RBFOX1: variants seen among roughly 807,000 people sequenced by gnomAD.
RBFOX1 encodes RNA binding fox-1 homolog 1, also known as RNA binding protein fox-1 homolog 1.
A neutral mutation model predicts 57.7 loss-of-function variants in RBFOX1; 8 were observed. The observed-to-expected ratio is 0.14, with a 90% CI of 0.08 to 0.25. The LOEUF is 0.25. RBFOX1 is among the 10% of genes least tolerant of loss of function. The probability of loss-of-function intolerance (pLI) is 1.00; values close to 1 mark genes in which losing one functional copy is unlikely to be tolerated. For synonymous variants in RBFOX1, 326 were observed against 222.4 expected (o/e 1.47, Z -4.15); for missense variants, 611 against 548.5 (o/e 1.11, Z -1.14).
chr16:6,605,967 G>A (rs1188419576), intron 2 of RBFOX1, among the ~76,000 whole-genome samples: 1 of 152,020 alleles, frequency 6.6e-6, no homozygotes, highest in Non-Finnish European at 1.5e-5. Flanking sequence ...GAGCATGGTT[G>A]GGGGTGGGGG....
intron 2 of RBFOX1, among the ~76,000 whole-genome samples, chr16:5,498,767 G>A (rs1167679734): frequency 1.3e-5 from 2 of 152,168 alleles, no homozygotes; most frequent in African/African-American, 4.8e-5. Context: ...ACATTATCTG[G>A]CAATTATATT....
intron 3 of RBFOX1, among the ~76,000 whole-genome samples, chr16:6,894,041 T>C (rs940340766): frequency 1.3e-5 from 2 of 152,180 alleles, no homozygotes; most frequent in South Asian, 4.1e-4. Flanking sequence ...TATATGGGTT[T>C]TCTTCCTTTG....
chr16:5,990,744 G>T (rs977879586), intron 4 of RBFOX1, among the ~76,000 whole-genome samples: 1 of 152,226 alleles, frequency 6.6e-6, no homozygotes, highest in African/African-American at 2.4e-5. Context: ...GAGGCGGGCA[G>T]ATCGCTGGAG....
chr16:5,850,350 G>A (rs1187122912), intron 3 of RBFOX1, among the ~76,000 whole-genome samples: 2 of 152,186 alleles, frequency 1.3e-5, no homozygotes, highest in Non-Finnish European at 2.9e-5. Flanking sequence ...GTGGCACTTA[G>A]TAAGAACATA....
At chr16:5,742,425 C>A (rs1336556871) in intron 3 of RBFOX1, among the ~76,000 whole-genome samples, 1 of 151,586 alleles carries the variant, frequency 6.6e-6, no homozygotes, top group Non-Finnish European at 1.5e-5. Context: ...GAGCCCAGTG[C>A]TTTTATAGCG....
At chr16:6,016,419 A>G (rs1263145120), upstream of RBFOX1, among the ~76,000 whole-genome samples, 3 of 152,214 alleles carry the variant, frequency 2.0e-5, no homozygotes, top group Non-Finnish European at 2.9e-5. Flanking sequence ...ACAAGAGAAA[A>G]GCCCTCCTGG....
chr16:7,004,255 G>T (rs1385837706), intron 3 of RBFOX1: 1 of 152,072 alleles, frequency 6.6e-6, no homozygotes, highest in African/African-American at 2.4e-5. Context: ...AATATATAAT[G>T]CATAAGAACA....
intron 1 of RBFOX1, among the ~76,000 whole-genome samples, chr16:5,429,187 T>C (rs2067654618): frequency 6.6e-6 from 1 of 152,182 alleles, no homozygotes; most frequent in Admixed American, 6.5e-5. Flanking sequence ...CCAGAGCCTT[T>C]ACATAATGAT....
chr16:6,383,784 A>G (rs1444730462), intron 2 of RBFOX1, among the ~76,000 whole-genome samples: 2 of 151,872 alleles, frequency 1.3e-5, no homozygotes, highest in African/African-American at 4.8e-5. Context: ...AAAAAAAAAG[A>G]AAAGAAAAAC....
At chr16:6,554,430 T>TA (rs144554550) in intron 2 of RBFOX1, among the ~76,000 whole-genome samples, 19 of 150,874 alleles carry the variant, frequency 1.3e-4, no homozygotes, top group African/African-American at 2.2e-4. Flanking sequence ...CCCGGGGTAA[T>TA]AAAAAAAAAG....
At chr16:6,981,049 A>AAAAAAAAAAACAAAAAAAAAAC in intron 3 of RBFOX1, among the ~76,000 whole-genome samples, 1 of 151,044 alleles carries the variant, frequency 6.6e-6, no homozygotes, top group Non-Finnish European at 1.5e-5. Context: ...TCTCAAAAAA[A>AAAAAAAAAAACAAAAAAAAAAC]AAAAAAAAAA....
chr16:6,320,946 A>G (rs546474986), intron 2 of RBFOX1, among the ~76,000 whole-genome samples: 18 of 152,114 alleles, frequency 1.2e-4, no homozygotes, highest in African/African-American at 4.3e-4. Context: ...GGCACCCACC[A>G]CCATGCCCAG....
chr16:6,589,780 C>A (rs2097684901), intron 2 of RBFOX1, among the ~76,000 whole-genome samples: 1 of 152,164 alleles, frequency 6.6e-6, no homozygotes, highest in Non-Finnish European at 1.5e-5. Context: ...TAGGTTATTT[C>A]CAAAGTTAGT....
chr16:7,035,903 T>C (rs1213334560), intron 3 of RBFOX1, among the ~76,000 whole-genome samples: 5 of 152,156 alleles, frequency 3.3e-5, no homozygotes, highest in East Asian at 1.9e-4. Context: ...CACACACATA[T>C]ACAGAGCAAC....
chr16:7,138,616 T>C (rs1230456692), intron 4 of RBFOX1, among the ~76,000 whole-genome samples: 1 of 152,132 alleles, frequency 6.6e-6, no homozygotes, highest in Non-Finnish European at 1.5e-5. Context: ...CCCCCCATTA[T>C]GCAAAAGATA....
At chr16:5,696,914 G>C (rs554866644) in intron 3 of RBFOX1, among the ~76,000 whole-genome samples, 1 of 151,940 alleles carries the variant, frequency 6.6e-6, no homozygotes, top group African/African-American at 2.4e-5. Context: ...ATATGTTTTT[G>C]TTTTGTTCTG....
intron 5 of RBFOX1, among the ~76,000 whole-genome samples, chr16:7,568,908 A>T (rs527480794): frequency 2.1e-5 from 3 of 146,246 alleles, no homozygotes; most frequent in East Asian, 2.0e-4. Flanking sequence ...AAAAAAAAAG[A>T]ATCACTTAAA....
chr16:5,794,334 C>A lies in RBFOX1; in HGVS notation c.319-72969C>A, dbSNP rs76569867. On this transcript the variant is annotated intron_variant, in intron 3 of 19. Coordinates refer to the RBFOX1 transcript ENST00000641259. The stretch of plus-strand genomic sequence containing the variant: ...CCTTCACCTCCTTTTTTTCCTCATC[C>A]TTTACTAATTCCTCGTCCTCTTCCA... 1.6e-3 allele frequency among the ~76,000 whole-genome samples: 247 copies of A among 152,042 alleles called. 1 individual carries two copies. Among genetic ancestry groups the A allele is most frequent in the African/African-American group, 5.5e-3 (230 of 41,474 alleles).
chr16:7,671,385 G>A (rs970466230), intron 13 of RBFOX1, among the ~76,000 whole-genome samples: 2 of 152,170 alleles, frequency 1.3e-5, no homozygotes, highest in African/African-American at 4.8e-5. Context: ...AACTAAAAAT[G>A]TTTGTCGATG....
Sources: gnomAD v4.1 joint callset for allele counts (sites outside exome capture counted in the v4.1 genomes callset) on GRCh38, gnomAD v4.1.1 for gene constraint, MANE v1.5 for transcripts, NCBI Gene and HGNC (gene_info 2026-07-23, HGNC 2026-07-21) for gene names.